TRAPPC9: variants seen among roughly 807,000 people sequenced by gnomAD.
The protein encoded by TRAPPC9 is IKK2 binding protein.
In TRAPPC9, 83 loss-of-function variants were observed where a neutral mutation model predicts 124.0. The ratio of observed to expected loss-of-function variants is 0.67; its 90% CI spans 0.56 to 0.80. TRAPPC9 has a LOEUF of 0.80. TRAPPC9 is among the 30% of genes least tolerant of loss of function. TRAPPC9 has a pLI of 0.00. For missense variants in TRAPPC9, 1,302 were observed against 1,508.3 expected, an observed-to-expected ratio of 0.86 and a Z score of 2.27; for synonymous variants, 638 against 617.5, an observed-to-expected ratio of 1.03 and a Z score of -0.49.
At chr8:140,349,218 C>CGCG in intron 9 of TRAPPC9, among the ~76,000 whole-genome samples, 2 of 84,658 alleles carry the variant, frequency 2.4e-5, no homozygotes, top group African/African-American at 9.6e-5. Context: ...GGGAAGGGCA[C>CGCG]AGAAGGGGGC....
chr8:140,278,320 G>A (rs538599699), intron 14 of TRAPPC9, among the ~76,000 whole-genome samples: 14 of 152,082 alleles, frequency 9.2e-5, no homozygotes, highest in East Asian at 3.9e-4. Flanking sequence ...TGGCCAGGCC[G>A]GTCTCGAACT....
chr8:139,830,999 C>T (rs1309731237), intron 21 of TRAPPC9, among the ~76,000 whole-genome samples: 2 of 152,236 alleles, frequency 1.3e-5, no homozygotes, highest in Non-Finnish European at 2.9e-5. Flanking sequence ...GTGCCGAATG[C>T]TCACGTGCAC....
intron 21 of TRAPPC9, among the ~76,000 whole-genome samples, chr8:139,834,494 C>T (rs1023175539): frequency 7.9e-5 from 12 of 152,222 alleles, no homozygotes; most frequent in Admixed American, 3.3e-4. Flanking sequence ...CTGCAAGGCA[C>T]GGGGGACCCC....
At chr8:140,153,179 G>C (rs2061574744) in intron 17 of TRAPPC9, among the ~76,000 whole-genome samples, 1 of 152,164 alleles carries the variant, frequency 6.6e-6, no homozygotes, top group South Asian at 2.1e-4. Flanking sequence ...CAAAGCTCAT[G>C]ATGTCACAGC....
chr8:139,999,137 A>C (rs1255110873), intron 18 of TRAPPC9, among the ~76,000 whole-genome samples: 2 of 152,208 alleles, frequency 1.3e-5, no homozygotes, highest in African/African-American at 4.8e-5. Context: ...AATTACATTA[A>C]ATATAAATGA....
At chr8:140,124,610 G>T (rs1435984779) in intron 17 of TRAPPC9, among the ~76,000 whole-genome samples, 3 of 152,170 alleles carry the variant, frequency 2.0e-5, no homozygotes, top group African/African-American at 7.2e-5. Flanking sequence ...GCCATTCACA[G>T]GGGCCAAAGC....
chr8:140,355,996 A>C (rs190280443), intron 9 of TRAPPC9, among the ~76,000 whole-genome samples: 1 of 152,310 alleles, frequency 6.6e-6, no homozygotes, highest in African/African-American at 2.4e-5. Context: ...GGATAAGAAA[A>C]AACGGTGGGG....
At chr8:140,004,952 C>T (rs1388313107) in intron 18 of TRAPPC9, among the ~76,000 whole-genome samples, 3 of 152,180 alleles carry the variant, frequency 2.0e-5, no homozygotes, top group Non-Finnish European at 4.4e-5. Flanking sequence ...GTAAGCCTGC[C>T]TATCTTCTTA....
intron 21 of TRAPPC9, among the ~76,000 whole-genome samples, chr8:139,800,966 C>A (rs183025945): frequency 1.3e-5 from 2 of 150,112 alleles, no homozygotes; most frequent in African/African-American, 4.9e-5. Flanking sequence ...CCTGTACCTT[C>A]CCTCCCTCCG....
intron 8 of TRAPPC9, among the ~76,000 whole-genome samples, chr8:140,369,231 G>C (rs1348264502): frequency 6.6e-6 from 1 of 152,194 alleles, no homozygotes; most frequent in Admixed American, 6.5e-5. Flanking sequence ...GAAGTCTGGG[G>C]AGTGTGACTT....
chr8:139,942,284 T>A (rs1833965097), intron 19 of TRAPPC9, among the ~76,000 whole-genome samples: 1 of 152,168 alleles, frequency 6.6e-6, no homozygotes, highest in Non-Finnish European at 1.5e-5. Context: ...CTAGGGTCGG[T>A]TAAGGAATAG....
chr8:139,928,994 G>A (rs61442124), intron 19 of TRAPPC9, among the ~76,000 whole-genome samples: 7,122 of 152,142 alleles, frequency 0.047, 273 homozygotes, highest in Middle Eastern at 0.13. Flanking sequence ...AGACGTGTGC[G>A]TGGGCGCGGG....
intron 17 of TRAPPC9, among the ~76,000 whole-genome samples, chr8:140,206,832 T>C (rs1484974977): frequency 6.6e-6 from 1 of 152,058 alleles, no homozygotes; most frequent in African/African-American, 2.4e-5. Flanking sequence ...TTAGAATGCC[T>C]TTCCACCACT....
At chr8:140,053,813 T>C (rs1842140301) in intron 17 of TRAPPC9, among the ~76,000 whole-genome samples, 1 of 152,232 alleles carries the variant, frequency 6.6e-6, no homozygotes, top group Non-Finnish European at 1.5e-5. Context: ...ATGGCCTTCT[T>C]TGTCTTATGG....
rs558144082 is a variant in TRAPPC9 at position 139,878,667 on chromosome 8, T to C, written c.3055+7212A>G. 2.5e-3 allele frequency among the ~76,000 whole-genome samples: 380 copies of C among 152,228 alleles called. 2 individuals are homozygous for C. The highest frequency in any genetic ancestry group is 6.9e-3 in the African/African-American group (286 of 41,550). ...GCAGGTGAGCTGTCCTGCAAAACAG[T>C]TGCTTTGAAATTAGAGGCTGGGCCT... is the stretch of plus-strand genomic sequence containing the variant. On this transcript the variant is annotated intron_variant, in intron 21 of 22. Transcript: ENST00000438773.
At chr8:140,366,754 G>A (rs1190328083) in intron 8 of TRAPPC9, among the ~76,000 whole-genome samples, 1 of 152,136 alleles carries the variant, frequency 6.6e-6, no homozygotes, top group Non-Finnish European at 1.5e-5. Flanking sequence ...TAAAACTTCT[G>A]CTCTGCAAAA....
chr8:140,064,124 A>G (rs572372859), intron 17 of TRAPPC9, among the ~76,000 whole-genome samples: 2 of 151,786 alleles, frequency 1.3e-5, no homozygotes, highest in South Asian at 4.2e-4. Flanking sequence ...CACATAATTA[A>G]TTTTCCCAAC....
At chr8:139,768,976 T>C (rs546395698) in intron 21 of TRAPPC9, among the ~76,000 whole-genome samples, 63 of 152,296 alleles carry the variant, frequency 4.1e-4, no homozygotes, top group South Asian at 1.5e-3. Context: ...AAGGCAGTCG[T>C]CTACAGGCCA....
chr8:140,340,669 A>G (rs1444050285), intron 9 of TRAPPC9, among the ~76,000 whole-genome samples: 2 of 152,252 alleles, frequency 1.3e-5, no homozygotes, highest in Non-Finnish European at 2.9e-5. Flanking sequence ...ATGAGCCAGG[A>G]TACAAACCCA....
Sources: allele counts gnomAD v4.1 joint callset (sites outside exome capture counted in the v4.1 genomes callset), GRCh38; gene constraint gnomAD v4.1.1; transcripts MANE v1.5; gene names NCBI Gene and HGNC (gene_info 2026-07-23, HGNC 2026-07-21).